SIK3: variants seen among roughly 807,000 people sequenced by gnomAD.
The protein encoded by SIK3 is serine/threonine-protein kinase SIK3.
SIK3 carries 28 observed loss-of-function variants against 144.2 expected under a neutral mutation model. That is an observed-to-expected ratio of 0.19 (90% CI 0.14 to 0.27). The LOEUF (loss-of-function observed/expected upper bound fraction) is 0.27. Among genes scored for constraint, SIK3 ranks in the 10% least tolerant of loss-of-function variants. The pLI, the probability that SIK3 is intolerant of heterozygous loss-of-function variation, is 1.00. For missense variants in SIK3, 1,319 were observed against 1,776.0 expected, an observed-to-expected ratio of 0.74 and a Z score of 4.62; for synonymous variants, 686 against 676.3, an observed-to-expected ratio of 1.01 and a Z score of -0.22.
chr11:116,925,970 C>T lies in SIK3; in HGVS notation c.616+1249G>A, dbSNP rs553276877. On this transcript the variant is annotated intron_variant, in intron 4 of 24. Transcript: ENST00000445177. Reference sequence around the variant, plus strand: ...CTGTCAGTTTCAGATATATAAAAAGCTAGGTGATGCTCCAGGATGTAAAAG... The same window carrying T: ...CTGTCAGTTTCAGATATATAAAAAGTTAGGTGATGCTCCAGGATGTAAAAG... Among the ~76,000 whole-genome samples the T allele has an allele frequency of 2.4e-4, 36 of 152,220 alleles. No individual in the cohort carries two copies. In the South Asian group the frequency reaches 6.8e-3, roughly 29 times the overall value.
In SIK3 at chr11:117,032,690, TA is replaced by T. The variant is rs758053149; in HGVS notation, c.273+65452del. Among the ~76,000 whole-genome samples the T allele has an allele frequency of 8.5e-4, 123 of 143,960 alleles. 1 individual carries two copies. The highest frequency in any genetic ancestry group is 1.0e-3 in the Non-Finnish European group (68 of 65,634). 94.4% of individuals were successfully genotyped at this position (143,960 alleles called of 152,430 possible). ...CCACCTTTTCTTTTTTTTTTTTTTT[TA>T]AAAGAGATGGGTTCTCACTATGTTG... On this transcript the variant is annotated intron_variant, in intron 1 of 24. Coordinates refer to ENST00000445177, the MANE Select transcript of SIK3 (RefSeq NM_001366686.3).
chr11:116,960,855 G>A (rs1279695873), intron 1 of SIK3, among the ~76,000 whole-genome samples: 4 of 152,196 alleles, frequency 2.6e-5, no homozygotes, highest in Non-Finnish European at 5.9e-5. Flanking sequence ...CTGGAATCAA[G>A]CCTTCAACTT....
chr11:117,035,118 C>A (rs1218510697), intron 1 of SIK3, among the ~76,000 whole-genome samples: 1 of 151,904 alleles, frequency 6.6e-6, no homozygotes, highest in African/African-American at 2.4e-5. Flanking sequence ...ATCCAAAATG[C>A]TTTTTTCAAA....
rs1451919988 is a variant in SIK3 at position 116,989,206 on chromosome 11, TC to T, written c.274-32143del. ...GCACCTTTCCTTCCACTTTTTTTTT[TC>T]CCCGCATGTTCGAATGTCTCTCAGA... On this transcript the variant is annotated intron_variant, in intron 1 of 24. Coordinates refer to ENST00000445177, the MANE Select transcript of SIK3 (RefSeq NM_001366686.3). 7.9e-5 allele frequency among the ~76,000 whole-genome samples: 12 copies of T among 152,218 alleles called. No individual in the cohort carries two copies. In the South Asian group the frequency reaches 2.5e-3, roughly 32 times the overall value.
chr11:116,900,972 C>T (rs565285134), intron 4 of SIK3, among the ~76,000 whole-genome samples: 1 of 152,008 alleles, frequency 6.6e-6, no homozygotes, highest in Admixed American at 6.5e-5. Flanking sequence ...TCAAGAGATT[C>T]TCCTGCCTCA....
At chr11:116,946,168 C>T (rs12805851) in intron 3 of SIK3, among the ~76,000 whole-genome samples, 7,715 of 152,266 alleles carry the variant, frequency 0.051, 292 homozygotes, top group Non-Finnish European at 0.079. Flanking sequence ...CCCACTACTG[C>T]ATCTTCAACC....
chr11:117,098,244 G>A lies in SIK3; in HGVS notation c.172C>T (p.Pro58Ser), dbSNP rs1384329237. 1 of 1,464,356 alleles carries A rather than the reference G, an allele frequency of 6.8e-7. No individual in the cohort carries two copies. The highest frequency in any genetic ancestry group is 2.1e-5 in the Admixed American group (1 of 48,010). 90.7% of individuals were successfully genotyped at this position (1,464,356 alleles called of 1,614,324 possible). A position where few individuals can be genotyped will look rare whatever the true frequency, so the allele number is the denominator to read the frequency against. ...PRPPAPASRG[P>S]MPARIGYYEI... ...TAGTAGCCGATACGGGCGGGCATGG[G>A]TCCGCGGGAGGCCGGGGCTGGGGGA... The change falls in exon 1 of 25, where the codon CCC (proline) becomes TCC (serine). Residue 58 changes from proline (P) to serine (S), a missense_variant. By Grantham distance (74) the Pro-to-Ser change is moderately conservative (BLOSUM62 -1). Transcript: ENST00000445177.
chr11:116,854,898 C>A (rs1373182967), intron 21 of SIK3, among the ~76,000 whole-genome samples: 1 of 151,844 alleles, frequency 6.6e-6, no homozygotes, highest in African/African-American at 2.4e-5. Context: ...CAAGACCAGC[C>A]TGGCCAACAT....
chr11:117,022,322 T>C (rs1951815361), intron 1 of SIK3, among the ~76,000 whole-genome samples: 1 of 152,176 alleles, frequency 6.6e-6, no homozygotes, highest in African/African-American at 2.4e-5. Flanking sequence ...CATTTCCTGG[T>C]ATATAAATTT....
intron 19 of SIK3, among the ~76,000 whole-genome samples, chr11:116,860,022 G>A (rs567312): frequency 0.45 from 67,899 of 151,942 alleles, 18,362 homozygotes; most frequent in Non-Finnish European, 0.62. Flanking sequence ...CGAGGTGGGC[G>A]GATCATGAGG....
chr11:117,020,230 T>A (rs1951707956), intron 1 of SIK3, among the ~76,000 whole-genome samples: 1 of 147,040 alleles, frequency 6.8e-6, no homozygotes, highest in Non-Finnish European at 1.5e-5. Context: ...TGTATGTGTA[T>A]ATGTGCATAT....
chr11:117,087,988 G>A (rs943795265), intron 1 of SIK3, among the ~76,000 whole-genome samples: 1 of 152,120 alleles, frequency 6.6e-6, no homozygotes, highest in Non-Finnish European at 1.5e-5. Flanking sequence ...CCAACACTTC[G>A]GGAAGCCAAA....
chr11:116,987,729 G>A (rs1950369343), intron 1 of SIK3, among the ~76,000 whole-genome samples: 1 of 152,172 alleles, frequency 6.6e-6, no homozygotes, highest in African/African-American at 2.4e-5. Flanking sequence ...AACACAGGGG[G>A]AGGAGGTAGT....
At chr11:117,090,668 C>A (rs889132829) in intron 1 of SIK3, among the ~76,000 whole-genome samples, 8 of 152,210 alleles carry the variant, frequency 5.3e-5, no homozygotes, top group East Asian at 1.9e-4. Context: ...ACTACTTTTA[C>A]GGTCATTGCA....
chr11:116,870,011 A>G, intron 14 of SIK3: 1 of 914,924 alleles, frequency 1.1e-6, no homozygotes, highest in Non-Finnish European at 1.5e-6. Flanking sequence ...GGCAGGTACG[A>G]GCAGGCTTTG....
intron 1 of SIK3, among the ~76,000 whole-genome samples, chr11:117,080,114 T>C (rs1374577999): frequency 6.6e-6 from 1 of 152,008 alleles, no homozygotes. Context: ...AACAGAAAAG[T>C]AGACAAAGCA....
At chr11:116,948,922 A>G (rs1011678083) in intron 3 of SIK3, among the ~76,000 whole-genome samples, 4 of 152,168 alleles carry the variant, frequency 2.6e-5, no homozygotes, top group African/African-American at 7.2e-5. Context: ...AACCAACTAT[A>G]ATGGAATGAA....
rs201372492 is a variant in SIK3, at chr11:116,881,716, T to TA, written c.866-4675dup. ...TGAGAGAAAGATACATAGAAAAGAG[T>TA]AAAAAAAATAGGGAAGAAGAGAATG... On this transcript the variant is annotated intron_variant, in intron 6 of 24. Transcript: ENST00000445177. Among the ~76,000 whole-genome samples the TA allele has an allele frequency of 2.2e-4, 33 of 151,080 alleles. No individual in the cohort carries two copies. The East Asian group carries it at 4.1e-3, about 19-fold the overall frequency.
intron 1 of SIK3, among the ~76,000 whole-genome samples, chr11:117,039,386 ATCACAGGCG>A (rs1235206006): frequency 1.3e-5 from 2 of 152,202 alleles, no homozygotes; most frequent in East Asian, 3.9e-4. Context: ...TAGTGCTGGG[ATCACAGGCG>A]TAAGCCACCA....
Sources: gnomAD v4.1 joint callset for allele counts (sites outside exome capture counted in the v4.1 genomes callset) on GRCh38, gnomAD v4.1.1 for gene constraint, MANE v1.5 for transcripts, NCBI Gene and HGNC (gene_info 2026-07-23, HGNC 2026-07-21) for gene names.